Variants in NAA25 observed in about 807,000 individuals in gnomAD.
NAA25 encodes the protein N-terminal acetyltransferase B complex subunit NAA25.
Under a neutral mutation model 132.5 loss-of-function variants are expected in NAA25, and 30 were observed. The ratio of observed to expected loss-of-function variants is 0.23; its 90% confidence interval spans 0.17 to 0.31. The LOEUF is 0.31. Among genes scored for constraint, NAA25 ranks in the 10% least tolerant of loss-of-function variants. NAA25 has a pLI of 1.00. For missense variants in NAA25, 771 were observed against 1,150.4 expected (o/e 0.67, Z 4.77); for synonymous variants, 359 against 401.9 (o/e 0.89, Z 1.28).
intron 4 of NAA25, among the ~76,000 whole-genome samples, chr12:112,086,450 G>C (rs769423852): frequency 6.6e-6 from 1 of 151,630 alleles, no homozygotes; most frequent in East Asian, 1.9e-4. Flanking sequence ...AGCCGAGATC[G>C]TGCCACTGCA....
rs67757055 is a variant in NAA25 at position 112,030,210 on chromosome 12, CAAAAAAA to C, written c.2797-564_2797-558del. 1.0e-3 allele frequency among the ~76,000 whole-genome samples: 55 copies of C among 53,376 alleles called. 2 individuals carry two copies. The highest frequency in any genetic ancestry group is 7.4e-3 in the Admixed American group (30 of 4,064). 35.0% of individuals were successfully genotyped at this position (53,376 alleles called of 152,430 possible). A position where few individuals can be genotyped will look rare whatever the true frequency, so the allele number is the denominator to read the frequency against. ...CCTGGGCGACAGAGTAAAGCTGTCT[CAAAAAAA>C]AAAAAAAAAAAAAAAAAAAATTAGA... On this transcript the variant is annotated intron_variant, in intron 23 of 23. Coordinates refer to ENST00000261745, the MANE Select transcript of NAA25 (RefSeq NM_024953.4).
chr12:112,097,716 T>C (rs2079234465), intron 1 of NAA25, among the ~76,000 whole-genome samples: 1 of 152,020 alleles, frequency 6.6e-6, no homozygotes, highest in South Asian at 2.1e-4. Flanking sequence ...GAAATTAAGC[T>C]TACGGGTGAG....
At chr12:112,044,089 G>A (rs966545166) in intron 17 of NAA25, among the ~76,000 whole-genome samples, 15 of 151,576 alleles carry the variant, frequency 9.9e-5, no homozygotes, top group South Asian at 6.3e-4. Flanking sequence ...CACCACGCCC[G>A]GCTAATTTTT....
chr12:112,054,305 C>A, intron 14 of NAA25, 83 bp downstream of exon 14: 1 of 1,241,614 alleles, frequency 8.1e-7, no homozygotes, highest in Non-Finnish European at 1.1e-6. Flanking sequence ...ATGTCACAAT[C>A]AACTTTAAAA....
chr12:112,060,416 A>T, intron 12 of NAA25, 57 bp from the exon 13 acceptor site: 2 of 1,219,804 alleles, frequency 1.6e-6, no homozygotes, highest in Non-Finnish European at 2.4e-6. Context: ...TACTGACCCC[A>T]AAGGAGTTTT....
chr12:112,029,577 T>A lies in NAA25; in HGVS notation c.2873A>T (p.Glu958Val), dbSNP rs770857642. 1 of 1,613,942 alleles carries A rather than the reference T, an allele frequency of 6.2e-7. No individual in the cohort carries two copies. Among genetic ancestry groups the A allele is most frequent in the Non-Finnish European group, 8.5e-7 (1 of 1,179,950 alleles). Residue 958 changes from glutamate to valine, a missense_variant, in exon 24 of 24, where the codon GAG becomes GTG. Around this residue, in one of 3 missense-constraint regions of NAA25, gnomAD observed 324 missense variants for 400.0 expected, o/e 0.81. Coordinates refer to ENST00000261745, the MANE Select transcript of NAA25 (RefSeq NM_024953.4). ...SYLHSLLEMGELLKKRLETTK... is the reference protein window; with the variant it reads ...SYLHSLLEMGVLLKKRLETTK... ...GGTCTCAAGTCTTTTTTTCAGCAGCTCCCCCATTTCCAGAAGTGAGTGCAG... is the reference window on the plus strand; with the variant it reads ...GGTCTCAAGTCTTTTTTTCAGCAGCACCCCCATTTCCAGAAGTGAGTGCAG...
intron 11 of NAA25, among the ~76,000 whole-genome samples, chr12:112,067,676 C>A (rs1353731736): frequency 6.6e-6 from 1 of 151,992 alleles, no homozygotes; most frequent in East Asian, 1.9e-4. Context: ...CAGAGCGAGA[C>A]CCTGTCTCAA....
chr12:112,085,899 T>C (rs1337421213), intron 4 of NAA25, among the ~76,000 whole-genome samples: 3 of 148,158 alleles, frequency 2.0e-5, no homozygotes, highest in Non-Finnish European at 3.0e-5. Context: ...GTGCCTGTAG[T>C]CCCAGTACTT....
intron 10 of NAA25, 69 bp downstream of exon 10, chr12:112,071,826 C>CGGTGGTCGACGA: frequency 1.6e-6 from 2 of 1,247,882 alleles, no homozygotes; most frequent in Non-Finnish European, 2.2e-6. Context: ...GTGTAGATCT[C>CGGTGGTCGACGA]AACTAATGAA....
Position 112,027,732 on chromosome 12 carries a change from AAC to A in NAA25, c.*1797_*1798del. 1 of 152,384 alleles carries A rather than the reference AAC, an allele frequency of 6.6e-6. No homozygotes were observed. The highest frequency in any genetic ancestry group is 1.5e-5 in the Non-Finnish European group (1 of 68,048). The allele number at this position is 152,384 out of a possible 1,614,324, so 9.4% of individuals were successfully genotyped here. On this transcript the variant is annotated 3_prime_UTR_variant, in exon 24 of 24. Coordinates refer to ENST00000261745, the MANE Select transcript of NAA25 (RefSeq NM_024953.4). ...ATATTCAGAGAGACATCATTTCAAGAACACACGCCATACACATGTACCCCACC... is the reference window on the plus strand; with the variant it reads ...ATATTCAGAGAGACATCATTTCAAGAACACGCCATACACATGTACCCCACC...
At chr12:112,063,368 T>A (rs2078665936) in intron 11 of NAA25, among the ~76,000 whole-genome samples, 1 of 152,164 alleles carries the variant, frequency 6.6e-6, no homozygotes, top group African/African-American at 2.4e-5. Context: ...CAGATGGAAT[T>A]TCTAAGTGTG....
chr12:112,108,783 C>A lies in NAA25; in HGVS notation c.-10G>T. 1 of 1,501,422 alleles carries A rather than the reference C, an allele frequency of 6.7e-7. No individual in the cohort carries two copies. Among genetic ancestry groups the A allele is most frequent in the Non-Finnish European group, 8.9e-7 (1 of 1,119,600 alleles). 93.0% of individuals were successfully genotyped at this position (1,501,422 alleles called of 1,614,324 possible). ...GGCCCCGCGTCGCCATGATGACAAG[C>A]GCAGAACCACAGTGCGCACGCGCGG... On this transcript the variant is annotated 5_prime_UTR_variant, in exon 1 of 24. Transcript: ENST00000261745.
chr12:112,091,426 C>T (rs1010197094), intron 2 of NAA25, among the ~76,000 whole-genome samples: 2 of 151,918 alleles, frequency 1.3e-5, no homozygotes, highest in Admixed American at 6.6e-5. Context: ...CAATGGCTCA[C>T]GAATGTAACC....
chr12:112,090,916 T>C, intron 2 of NAA25, 52 bp from the exon 3 acceptor site: 1 of 1,530,130 alleles, frequency 6.5e-7, no homozygotes, highest in Non-Finnish European at 8.9e-7. Context: ...AAAGGAAATA[T>C]GAACCAAAGA....
intron 9 of NAA25, among the ~76,000 whole-genome samples, chr12:112,072,872 G>T (rs749202983): frequency 3.1e-4 from 47 of 151,998 alleles, no homozygotes; most frequent in Non-Finnish European, 5.6e-4. Context: ...GAGAGGCAGA[G>T]ATTACAGTGG....
At chr12:112,059,384 A>G (rs2078593214) in intron 13 of NAA25, among the ~76,000 whole-genome samples, 1 of 152,204 alleles carries the variant, frequency 6.6e-6, no homozygotes, top group African/African-American at 2.4e-5. Context: ...TTCAATTCTC[A>G]TGAATAATAT....
chr12:112,089,828 A>C (rs1052764829), intron 3 of NAA25, among the ~76,000 whole-genome samples: 1 of 151,770 alleles, frequency 6.6e-6, no homozygotes, highest in African/African-American at 2.4e-5. Context: ...ACCCGTCTCT[A>C]CTAAAAATAC....
chr12:112,108,705 A>G lies in NAA25; in HGVS notation c.58+11T>C, dbSNP rs757913261. 4.9e-5 allele frequency: 75 copies of G among 1,519,360 alleles called. No homozygotes were observed. The South Asian group carries it at 7.3e-4, about 15-fold the overall frequency. 94.1% of individuals were successfully genotyped at this position (1,519,360 alleles called of 1,614,324 possible). ...GTCGGGCTGGCGAGCGGGCTGGTCC[A>G]AGACACTCACCGTAAATGGGCCGGA... On this transcript the variant is annotated intron_variant, in intron 1 of 23. Transcript: ENST00000261745.
Position 112,090,867 on chromosome 12 carries a change from G to T in NAA25, c.145-3C>A. 7 of 1,586,970 alleles carry T rather than the reference G, an allele frequency of 4.4e-6. No homozygotes were observed. Among genetic ancestry groups the T allele is most frequent in the Non-Finnish European group, 6.0e-6 (7 of 1,171,908 alleles). The stretch of plus-strand genomic sequence containing the variant: ...TGTAAACCAATTGCCTTTAAAACCT[G>T]ATAGCAACAAAAGAAAAATCAGTTT... On this transcript the variant is annotated splice_polypyrimidine_tract_variant and splice_region_variant and intron_variant, in intron 2 of 23. Coordinates refer to ENST00000261745, the MANE Select transcript of NAA25 (RefSeq NM_024953.4).
Sources: gnomAD v4.1 joint callset for allele counts (sites outside exome capture counted in the v4.1 genomes callset) on GRCh38, gnomAD v4.1.1 for gene constraint, gnomAD v4.1.1 regional missense constraint, MANE v1.5 for transcripts, NCBI Gene and HGNC (gene_info 2026-07-23, HGNC 2026-07-21) for gene names.